Variants in ARHGAP17 observed in about 807,000 individuals in gnomAD.
ARHGAP17 encodes Rho GTPase activating protein 17.
Under a neutral mutation model 99.5 loss-of-function variants are expected in ARHGAP17, and 57 were observed. That is an observed-to-expected ratio of 0.57 (90% confidence interval 0.46 to 0.71). The LOEUF is 0.71. Ranked by LOEUF, ARHGAP17 falls within the 30% of genes least tolerant of loss-of-function variation. The pLI is 0.00. For missense variants in ARHGAP17, 1,000 were observed against 1,122.4 expected (o/e 0.89, Z 1.56); for synonymous variants, 417 against 429.6 (o/e 0.97, Z 0.36).
chr16:24,934,411 C>A (rs112905702), intron 18 of ARHGAP17, among the ~76,000 whole-genome samples: 4,672 of 152,250 alleles, frequency 0.031, 224 homozygotes, highest in African/African-American at 0.1. Flanking sequence ...CCACCCCGGC[C>A]TCCCAAAGTG....
At chr16:24,989,640 T>TG (rs1273510506) in intron 1 of ARHGAP17, among the ~76,000 whole-genome samples, 1 of 152,154 alleles carries the variant, frequency 6.6e-6, no homozygotes, top group Non-Finnish European at 1.5e-5. Flanking sequence ...GGCTCTCATT[T>TG]GGGGTGACAA....
chr16:24,953,120 A>G, intron 10 of ARHGAP17, 78 bp from the exon 11 acceptor site: 1 of 1,311,398 alleles, frequency 7.6e-7, no homozygotes, highest in Non-Finnish European at 1.1e-6. Context: ...TCTGATGGGT[A>G]TTTCCTGACT....
intron 19 of ARHGAP17, among the ~76,000 whole-genome samples, chr16:24,921,985 G>A (rs963631665): frequency 1.2e-4 from 18 of 152,220 alleles, no homozygotes; most frequent in Non-Finnish European, 2.2e-4. Flanking sequence ...AACAGTGACC[G>A]GCAAATAGCA....
At chr16:24,991,868 C>T (rs1162793702) in intron 1 of ARHGAP17, among the ~76,000 whole-genome samples, 1 of 152,022 alleles carries the variant, frequency 6.6e-6, no homozygotes, top group Non-Finnish European at 1.5e-5. Flanking sequence ...ATGTCAGGAA[C>T]TGAGAAAGAA....
chr16:24,977,333 G>A lies in ARHGAP17; in HGVS notation c.94-14C>T. On this transcript the variant is annotated splice_polypyrimidine_tract_variant and intron_variant, in intron 2 of 19. Transcript: ENST00000289968. ...GCGTCTCTCAATCTGACAAGGCAGA[G>A]ACAAAAGAGAACAAATTCATCCTCT... The A allele has an allele frequency of 3.2e-6, 5 of 1,563,704 alleles. No homozygotes were observed. The highest frequency in any genetic ancestry group is 3.5e-6 in the Non-Finnish European group (4 of 1,145,402).
chr16:24,920,547 G>C (rs537959095), intron 19 of ARHGAP17: 1 of 327,060 alleles, frequency 3.1e-6, no homozygotes, highest in South Asian at 3.3e-5. Context: ...CTTTGATGGA[G>C]GAAAGGAAGC....
At chr16:24,951,356 C>T (rs113147684) in intron 12 of ARHGAP17, among the ~76,000 whole-genome samples, 26 of 152,262 alleles carry the variant, frequency 1.7e-4, no homozygotes, top group African/African-American at 5.8e-4. Context: ...CCTTTTATAA[C>T]GTTAATTAAA....
chr16:24,959,183 A>G (rs187853208), intron 9 of ARHGAP17, among the ~76,000 whole-genome samples: 14 of 152,344 alleles, frequency 9.2e-5, no homozygotes, highest in African/African-American at 3.1e-4. Flanking sequence ...GTCTGAACGA[A>G]GCGACCACGG....
intron 11 of ARHGAP17, 76 bp downstream of exon 11, chr16:24,952,855 C>G (rs1458225143): frequency 1.2e-5 from 17 of 1,374,396 alleles, no homozygotes; most frequent in Non-Finnish European, 6.1e-6. Flanking sequence ...TGGATTTTAA[C>G]TGACCATCTG....
chr16:24,929,761 T>A (rs1001654781), intron 19 of ARHGAP17: 7 of 572,936 alleles, frequency 1.2e-5, no homozygotes, highest in Non-Finnish European at 1.5e-5. Flanking sequence ...TTATAACATG[T>A]GCAAATTATG....
In ARHGAP17 at chr16:24,939,458, G is replaced by A. The variant is rs779773563; in HGVS notation, c.1630C>T (p.Pro544Ser). Residue 544 changes from proline (P) to serine (S), a missense_variant, in exon 17 of 20, where the codon CCC becomes TCC. Coordinates refer to ENST00000289968, the MANE Select transcript of ARHGAP17 (RefSeq NM_001006634.3). ...CTGCTTTCAGCCCTAGAGCTCTGGG[G>A]AGGGGGCTCTGGGCCAGCGGGCACC... ...TVVPAGPEPP[P>S]QSSRAESSSG... 6.8e-6 allele frequency: 11 copies of A among 1,611,580 alleles called. No individual in the cohort carries two copies. The African/African-American group carries it at 1.5e-4, about 22-fold the overall frequency.
At chr16:24,941,501 T>C (rs552572522) in intron 16 of ARHGAP17, among the ~76,000 whole-genome samples, 2 of 152,064 alleles carry the variant, frequency 1.3e-5, no homozygotes, top group Admixed American at 6.6e-5. Context: ...AATACTGAGG[T>C]TTTTCCCACT....
chr16:24,926,414 C>G (rs1052146092), intron 19 of ARHGAP17, among the ~76,000 whole-genome samples: 1 of 151,998 alleles, frequency 6.6e-6, no homozygotes, highest in African/African-American at 2.4e-5. Flanking sequence ...GCACCCACCA[C>G]GACACCCAGC....
At chr16:24,958,077 C>T (rs2141260152) in intron 9 of ARHGAP17, among the ~76,000 whole-genome samples, 1 of 152,156 alleles carries the variant, frequency 6.6e-6, no homozygotes, top group East Asian at 1.9e-4. Flanking sequence ...AAGGACAAAT[C>T]GCACTTCCTC....
intron 19 of ARHGAP17, among the ~76,000 whole-genome samples, chr16:24,923,860 A>G: frequency 6.6e-6 from 1 of 152,114 alleles, no homozygotes; most frequent in Non-Finnish European, 1.5e-5. Context: ...TCCTTCCTGC[A>G]CTGAGTATCT....
intron 1 of ARHGAP17, among the ~76,000 whole-genome samples, chr16:25,008,273 C>T (rs1183304769): frequency 6.6e-6 from 1 of 152,082 alleles, no homozygotes; most frequent in Non-Finnish European, 1.5e-5. Flanking sequence ...TCATGCATAT[C>T]CATTCAGTGG....
intron 12 of ARHGAP17, among the ~76,000 whole-genome samples, chr16:24,951,560 G>C (rs114483666): frequency 6.6e-6 from 1 of 152,140 alleles, no homozygotes; most frequent in Non-Finnish European, 1.5e-5. Flanking sequence ...TGCCACCCCT[G>C]AAACAGGAAG....
chr16:24,978,477 A>G (rs959242795), intron 2 of ARHGAP17, among the ~76,000 whole-genome samples: 1 of 152,232 alleles, frequency 6.6e-6, no homozygotes, highest in Non-Finnish European at 1.5e-5. Flanking sequence ...AGAGACTGAA[A>G]AAAAGGCAGA....
Position 24,947,468 on chromosome 16 carries a change from G to T in ARHGAP17, c.1241+14C>A. On this transcript the variant is annotated intron_variant, in intron 14 of 19. Coordinates refer to ENST00000289968, the MANE Select transcript of ARHGAP17 (RefSeq NM_001006634.3). ...AAAGAAGAAATTCAAATGATACAGAGAAAGATGACTTACCCTTCATTTCTG... is the reference window on the plus strand; with the variant it reads ...AAAGAAGAAATTCAAATGATACAGATAAAGATGACTTACCCTTCATTTCTG... 1 of 1,600,792 alleles carries T rather than the reference G, an allele frequency of 6.2e-7. No individual in the cohort carries two copies. The highest frequency in any genetic ancestry group is 8.6e-7 in the Non-Finnish European group (1 of 1,169,130).
Sources: gnomAD v4.1 joint callset for allele counts (sites outside exome capture counted in the v4.1 genomes callset) on GRCh38, gnomAD v4.1.1 for gene constraint, MANE v1.5 for transcripts, NCBI Gene and HGNC (gene_info 2026-07-23, HGNC 2026-07-21) for gene names.